Variants in CDH13 observed in about 807,000 individuals in gnomAD.
The protein encoded by CDH13 is cadherin-13.
A neutral mutation model predicts 63.8 loss-of-function variants in CDH13; 24 were observed. That is an observed-to-expected ratio of 0.38 (90% confidence interval 0.27 to 0.53). The LOEUF is 0.53. Among genes scored for constraint, CDH13 ranks in the 20% least tolerant of loss-of-function variants. The pLI, the probability that CDH13 is intolerant of heterozygous loss-of-function variation, is 0.85. For synonymous variants in CDH13, 503 were observed against 355.3 expected (o/e 1.42, Z -4.67); for missense variants, 1,049 against 903.1 (o/e 1.16, Z -2.07).
intron 5 of CDH13, among the ~76,000 whole-genome samples, chr16:83,334,328 C>A (rs1221664217): frequency 7.0e-6 from 1 of 143,738 alleles, no homozygotes; most frequent in Non-Finnish European, 1.5e-5. Flanking sequence ...CTATCTCCCT[C>A]TCTCCCTTTC....
At chr16:83,051,189 G>C (rs4783312) in intron 3 of CDH13, among the ~76,000 whole-genome samples, 130,279 of 152,202 alleles carry the variant, frequency 0.86, 56,274 homozygotes, top group East Asian at 0.98. Context: ...GAGCCACAAC[G>C]AAATGAGTCC....
chr16:83,696,302 G>C (rs937035506), intron 10 of CDH13, among the ~76,000 whole-genome samples: 1 of 152,184 alleles, frequency 6.6e-6, no homozygotes, highest in Non-Finnish European at 1.5e-5. Context: ...AAACACCTGT[G>C]ATATCTTTTT....
chr16:83,155,109 A>G (rs2037152715), intron 4 of CDH13, among the ~76,000 whole-genome samples: 1 of 152,232 alleles, frequency 6.6e-6, no homozygotes, highest in Non-Finnish European at 1.5e-5. Context: ...TTCATTTACT[A>G]TTAGAGAATG....
At chr16:83,635,113 G>T (rs1162689788) in intron 8 of CDH13, among the ~76,000 whole-genome samples, 1 of 151,908 alleles carries the variant, frequency 6.6e-6, no homozygotes, top group Non-Finnish European at 1.5e-5. Flanking sequence ...TAACCATTCT[G>T]TTCAGCATAT....
intron 4 of CDH13, among the ~76,000 whole-genome samples, chr16:83,132,453 C>CCCCCCCT (rs1491296907): frequency 4.3e-5 from 4 of 92,922 alleles, no homozygotes; most frequent in Non-Finnish European, 8.2e-5. Flanking sequence ...ACACCCCCCC[C>CCCCCCCT]TTTTTTTTTT....
chr16:83,208,650 T>A (rs1454113917), intron 4 of CDH13, among the ~76,000 whole-genome samples: 4 of 152,194 alleles, frequency 2.6e-5, no homozygotes, highest in African/African-American at 4.8e-5. Context: ...ACACCTACCT[T>A]CATCCTCTAA....
chr16:82,888,476 C>T (rs1323255063), intron 2 of CDH13, among the ~76,000 whole-genome samples: 1 of 152,234 alleles, frequency 6.6e-6, no homozygotes, highest in African/African-American at 2.4e-5. Context: ...CCAGTGCTCT[C>T]TGTCCCTGCT....
chr16:83,518,426 T>G (rs2074749512), intron 7 of CDH13, among the ~76,000 whole-genome samples: 1 of 151,068 alleles, frequency 6.6e-6, no homozygotes, highest in African/African-American at 2.4e-5. Flanking sequence ...ATTACAGGTG[T>G]GAGCCACCGC....
intron 1 of CDH13, among the ~76,000 whole-genome samples, chr16:82,802,865 C>A (rs748417343): frequency 6.6e-6 from 1 of 152,210 alleles, no homozygotes; most frequent in Non-Finnish European, 1.5e-5. Flanking sequence ...AAAGGACTCT[C>A]TGCCACCATC....
chr16:83,494,211 T>C (rs1195197073), intron 7 of CDH13, among the ~76,000 whole-genome samples: 1 of 152,228 alleles, frequency 6.6e-6, no homozygotes, highest in East Asian at 1.9e-4. Flanking sequence ...ACTTCTCTTT[T>C]TTGTCATTTT....
intron 4 of CDH13, among the ~76,000 whole-genome samples, chr16:83,149,998 A>G (rs899765287): frequency 6.6e-6 from 1 of 152,062 alleles, no homozygotes; most frequent in Non-Finnish European, 1.5e-5. Flanking sequence ...TGCTCTTTCC[A>G]CTTTATGTGT....
chr16:83,591,065 C>G (rs1906697505), intron 7 of CDH13, among the ~76,000 whole-genome samples: 1 of 152,058 alleles, frequency 6.6e-6, no homozygotes, highest in South Asian at 2.1e-4. Flanking sequence ...CACCTGCCAC[C>G]ACACCCAGCT....
intron 4 of CDH13, among the ~76,000 whole-genome samples, chr16:83,192,732 G>A (rs542069006): frequency 1.3e-5 from 2 of 152,282 alleles, no homozygotes; most frequent in South Asian, 4.1e-4. Flanking sequence ...ATTCCGGGAA[G>A]TTGAGGGACT....
At chr16:83,735,939 G>A (rs1479693468) in intron 10 of CDH13, 1 of 152,166 alleles carries the variant, frequency 6.6e-6, no homozygotes, top group Non-Finnish European at 1.5e-5. Context: ...AGGGAAAAAA[G>A]GGATAAAACA....
intron 8 of CDH13, among the ~76,000 whole-genome samples, chr16:83,651,694 C>G (rs761613970): frequency 1.5e-5 from 2 of 137,272 alleles, no homozygotes; most frequent in Non-Finnish European, 3.1e-5. Context: ...CTCCCAGGTT[C>G]AAGAAATTCT....
chr16:83,288,774 C>G (rs905126838), intron 5 of CDH13, among the ~76,000 whole-genome samples: 3 of 152,204 alleles, frequency 2.0e-5, no homozygotes, highest in African/African-American at 2.4e-5. Flanking sequence ...CTCTGCAAAA[C>G]GAGCCGCTGC....
At chr16:83,249,128 G>A (rs937346300) in intron 5 of CDH13, among the ~76,000 whole-genome samples, 6 of 152,242 alleles carry the variant, frequency 3.9e-5, no homozygotes, top group Admixed American at 3.9e-4. Flanking sequence ...GGACCTTCAT[G>A]TCGTTCTCCC....
At chr16:83,341,535 C>T (rs7195727) in intron 5 of CDH13, among the ~76,000 whole-genome samples, 4,854 of 152,272 alleles carry the variant, frequency 0.032, 265 homozygotes, top group African/African-American at 0.11. Flanking sequence ...ACTGGATGAA[C>T]CTCTGCATAA....
intron 1 of CDH13, among the ~76,000 whole-genome samples, chr16:82,817,346 G>A (rs1377354104): frequency 6.6e-6 from 1 of 152,096 alleles, no homozygotes; most frequent in Non-Finnish European, 1.5e-5. Flanking sequence ...ACTGTCTTTA[G>A]GAATGGTTTC....
Sources: gnomAD v4.1 joint callset for allele counts (sites outside exome capture counted in the v4.1 genomes callset) on GRCh38, gnomAD v4.1.1 for gene constraint, MANE v1.5 for transcripts, NCBI Gene and HGNC (gene_info 2026-07-23, HGNC 2026-07-21) for gene names.